Variants in SP3 observed in about 807,000 individuals in gnomAD.
The protein encoded by SP3 is Sp3 transcription factor, also known as transcription factor Sp3.
Under a neutral mutation model 70.3 loss-of-function variants are expected in SP3, and 10 were observed. That is an observed-to-expected ratio of 0.14 (90% CI 0.09 to 0.24). SP3 has a LOEUF of 0.24. Ranked by LOEUF, SP3 falls within the 10% of genes least tolerant of loss-of-function variation. The pLI is 1.00. For missense variants in SP3, 825 were observed against 914.6 expected, an observed-to-expected ratio of 0.90 and a Z score of 1.26; for synonymous variants, 402 against 333.5, an observed-to-expected ratio of 1.21 and a Z score of -2.24.
Position 173,955,222 on chromosome 2 carries a change from A to G in SP3, c.1290T>C (p.Asn430=), listed in dbSNP as rs1193540260. 6.2e-7 allele frequency: 1 copy of G among 1,613,998 alleles called. No individual in the cohort carries two copies. Among genetic ancestry groups the G allele is most frequent in the African/African-American group, 1.3e-5 (1 of 74,924 alleles). Residue 430 remains asparagine, a synonymous_variant, in exon 4 of 7, where the codon AAT becomes AAC. Transcript: ENST00000310015. ...TIHGVQASGQ[N]ISQQALQNLQ... is the part of the protein sequence containing the mutation. ...GATTTTGCAAAGCCTGTTGTGATATATTTTGACCACTGGCTTGCACACCAT... is the reference window on the plus strand; with the variant it reads ...GATTTTGCAAAGCCTGTTGTGATATGTTTTGACCACTGGCTTGCACACCAT...
intron 6 of SP3, among the ~76,000 whole-genome samples, chr2:173,911,833 T>C (rs2105453458): frequency 6.7e-6 from 1 of 149,114 alleles, no homozygotes; most frequent in South Asian, 2.1e-4. Context: ...TTTTTTTTTT[T>C]TTTGAGACAG....
chr2:173,933,638 T>TATATATATATA (rs71405167), intron 4 of SP3, among the ~76,000 whole-genome samples: 1 of 86,566 alleles, frequency 1.2e-5, no homozygotes, highest in African/African-American at 4.2e-5. Context: ...TTATAAAACT[T>TATATATATATA]TATATATATA....
intron 6 of SP3, among the ~76,000 whole-genome samples, chr2:173,912,009 G>T (rs1348164942): frequency 1.3e-5 from 2 of 152,004 alleles, no homozygotes; most frequent in African/African-American, 2.4e-5. Flanking sequence ...GGAGAGACAC[G>T]GTTTCACCAT....
chr2:173,918,700 G>A lies in SP3; in HGVS notation c.1725C>T (p.His575=), dbSNP rs78928738. 3.7e-4 allele frequency: 603 copies of A among 1,613,624 alleles called. 2 individuals carry two copies. In the African/African-American group the frequency reaches 4.2e-3, roughly 11 times the overall value. The change falls in exon 5 of 7, where the codon CAC becomes CAT. Residue 575 remains histidine, a synonymous_variant. Transcript: ENST00000310015. Reference sequence around the variant, plus strand: ...CTTCATCTACCACCTGTACTCTTAAGTGTGTTAGGTCATTGGTATTCAAGG... The same window carrying A: ...CTTCATCTACCACCTGTACTCTTAAATGTGTTAGGTCATTGGTATTCAAGG... ...DSTLNTNDLT[H]LRVQVVDEEG... is the part of the protein sequence containing the mutation.
intron 5 of SP3, chr2:173,916,175 C>A (rs1458511966): frequency 6.6e-6 from 1 of 151,510 alleles, no homozygotes. Flanking sequence ...AATATAGTTT[C>A]TTTTCTTAGG....
chr2:173,963,097 A>G lies in SP3; in HGVS notation c.279+664T>C, dbSNP rs545596967. Reference sequence around the variant, plus strand: ...ATACTTTTCTAACACTGTTATATTCAGTTTCAAAATCTAAAGTACTATCTA... The same window carrying G: ...ATACTTTTCTAACACTGTTATATTCGGTTTCAAAATCTAAAGTACTATCTA... On this transcript the variant is annotated intron_variant, in intron 3 of 6. Transcript: ENST00000310015. 1.1e-4 allele frequency: 17 copies of G among 152,306 alleles called. No homozygotes were observed. In the East Asian group the frequency reaches 3.1e-3, roughly 28 times the overall value. The allele number at this position is 152,306 out of a possible 1,614,324, so 9.4% of individuals were successfully genotyped here. A position where few individuals can be genotyped will look rare whatever the true frequency, so the allele number is the denominator to read the frequency against.
At position 173,902,053 on chromosome 2, in the gene SP3, A is replaced by G. The variant is rs1252857743; in HGVS notation, c.*7888T>C. ...TATGTGAGAAGACCCCTACAGTGAG[A>G]GACTATGAGGACTACCACACCTGGG... On this transcript the variant is annotated 3_prime_UTR_variant, in exon 7 of 7. Transcript: ENST00000310015. Among the ~76,000 whole-genome samples the G allele has an allele frequency of 6.6e-6, 1 of 152,164 alleles. No individual in the cohort carries two copies. The highest frequency in any genetic ancestry group is 1.5e-5 in the Non-Finnish European group (1 of 68,030).
Position 173,902,556 on chromosome 2 carries a change from A to T in SP3, c.*7385T>A, listed in dbSNP as rs1258591176. On this transcript the variant is annotated 3_prime_UTR_variant, in exon 7 of 7. Transcript: ENST00000310015. ...TTGCAGCATTGTTTATAAGTCAAAAATTGGAAATAACTGAGATGCTCATCA... is the reference window on the plus strand; with the variant it reads ...TTGCAGCATTGTTTATAAGTCAAAATTTGGAAATAACTGAGATGCTCATCA... 6.6e-6 allele frequency among the ~76,000 whole-genome samples: 1 copy of T among 152,208 alleles called. No individual in the cohort carries two copies. The highest frequency in any genetic ancestry group is 1.5e-5 in the Non-Finnish European group (1 of 68,032).
intron 5 of SP3, among the ~76,000 whole-genome samples, chr2:173,917,533 T>C (rs1010492935): frequency 6.6e-6 from 1 of 152,126 alleles, no homozygotes; most frequent in Non-Finnish European, 1.5e-5. Context: ...TTGTTAGCAA[T>C]TATTATTACT....
chr2:173,965,463 G>A (rs1184116420), upstream of SP3: 4 of 375,844 alleles, frequency 1.1e-5, no homozygotes, highest in East Asian at 4.6e-5. Context: ...GCGCCTGTCC[G>A]TCGGTCTGCC....
intron 5 of SP3, among the ~76,000 whole-genome samples, chr2:173,917,890 GT>G (rs1689652191): frequency 6.6e-6 from 1 of 151,366 alleles, no homozygotes; most frequent in Non-Finnish European, 1.5e-5. Context: ...TTTTCTTTTT[GT>G]TAATACTTGC....
chr2:173,934,725 T>C (rs1690165147), intron 4 of SP3, among the ~76,000 whole-genome samples: 1 of 151,772 alleles, frequency 6.6e-6, no homozygotes, highest in Non-Finnish European at 1.5e-5. Flanking sequence ...AAAAAAAAAA[T>C]TAAATCAGCA....
At chr2:173,923,619 A>T (rs532359570) in intron 4 of SP3, among the ~76,000 whole-genome samples, 1 of 152,112 alleles carries the variant, frequency 6.6e-6, no homozygotes, top group East Asian at 1.9e-4. Context: ...ATAAATATGA[A>T]TTACAGTATG....
intron 4 of SP3, among the ~76,000 whole-genome samples, chr2:173,932,130 T>C (rs1402254666): frequency 1.3e-5 from 2 of 152,234 alleles, no homozygotes; most frequent in South Asian, 2.1e-4. Context: ...AAGTGAGATA[T>C]GTGCAATTCT....
At chr2:173,961,948 T>G (rs6755990) in intron 3 of SP3, among the ~76,000 whole-genome samples, 1,527 of 146,232 alleles carry the variant, frequency 0.01, 21 homozygotes, top group South Asian at 0.022. Context: ...TTTTTTTTTT[T>G]TTTTTTTTTT....
At chr2:173,923,009 C>A (rs898153439) in intron 4 of SP3, among the ~76,000 whole-genome samples, 3 of 152,078 alleles carry the variant, frequency 2.0e-5, no homozygotes, top group African/African-American at 4.8e-5. Context: ...ATAGTGCATG[C>A]TAGCAGTATA....
chr2:173,958,270 G>GTT lies in SP3; in HGVS notation c.280-2040_280-2039dup, dbSNP rs5836443. Among the ~76,000 whole-genome samples the GTT allele has an allele frequency of 2.4e-3, 335 of 137,914 alleles. 2 individuals are homozygous for GTT. The highest frequency in any genetic ancestry group is 8.2e-3 in the African/African-American group (314 of 38,076). The allele number at this position is 137,914 out of a possible 152,430, so 90.5% of individuals were successfully genotyped here. ...AAGTCAAATTTACAGCACCTAAAGT[G>GTT]TTTTTTTTTTTTTTTTACAAAATAG... On this transcript the variant is annotated intron_variant, in intron 3 of 6. Transcript: ENST00000310015.
chr2:173,917,474 T>C (rs993062636), intron 5 of SP3, among the ~76,000 whole-genome samples: 2 of 152,058 alleles, frequency 1.3e-5, no homozygotes, highest in African/African-American at 4.8e-5. Context: ...CCTCTCTATG[T>C]CTCACTTCTA....
intron 3 of SP3, among the ~76,000 whole-genome samples, chr2:173,958,111 G>GATC (rs1175708560): frequency 6.6e-6 from 1 of 151,934 alleles, no homozygotes. Flanking sequence ...TCACCTGGAG[G>GATC]ATCCACTGAA....
Sources: allele counts gnomAD v4.1 joint callset (sites outside exome capture counted in the v4.1 genomes callset), GRCh38; gene constraint gnomAD v4.1.1; transcripts MANE v1.5; gene names NCBI Gene and HGNC (gene_info 2026-07-23, HGNC 2026-07-21).